Variants in RGS6 observed in about 807,000 individuals in gnomAD.
The protein encoded by RGS6 is regulator of G protein signaling 6, also known as regulator of G-protein signaling 6.
Under a neutral mutation model 78.5 loss-of-function variants are expected in RGS6, and 30 were observed. The ratio of observed to expected loss-of-function variants is 0.38; its 90% CI spans 0.29 to 0.52. The LOEUF is 0.52. Ranked by LOEUF, RGS6 falls within the 20% of genes least tolerant of loss-of-function variation. RGS6 has a pLI of 0.85. For synonymous variants in RGS6, 206 were observed against 206.0 expected (o/e 1.00, Z 0.00); for missense variants, 495 against 609.7 (o/e 0.81, Z 1.98).
At chr14:72,186,013 G>A (rs2097239759) in intron 2 of RGS6, among the ~76,000 whole-genome samples, 1 of 152,220 alleles carries the variant, frequency 6.6e-6, no homozygotes, top group Non-Finnish European at 1.5e-5. Context: ...AAATAATCCT[G>A]TGAGTATTAT....
rs186019891 is a variant in RGS6 at position 72,259,761 on chromosome 14, A to T, written c.85-92334A>T. Among the ~76,000 whole-genome samples the T allele has an allele frequency of 8.7e-3, 1,315 of 151,684 alleles. 18 individuals carry two copies. The highest frequency in any genetic ancestry group is 0.03 in the African/African-American group (1,243 of 41,256). ...TCTCTACTAAAAATACAAAAAAAAA[A>T]TTAGCCAGGCGCGGTGGCAGGCGCC... On this transcript the variant is annotated intron_variant, in intron 2 of 17. Coordinates refer to ENST00000553525, the MANE Select transcript of RGS6 (RefSeq NM_001204424.2).
chr14:72,586,040 C>T, the RGS6 span, among the ~76,000 whole-genome samples: 18,535 of 152,232 alleles, frequency 0.12, 3,340 homozygotes, highest in African/African-American at 0.39. Flanking sequence ...ATCTGAATTC[C>T]CCTCTAGATA....
At chr14:72,501,393 GA>G (rs2096724097) in intron 13 of RGS6, among the ~76,000 whole-genome samples, 4 of 131,336 alleles carry the variant, frequency 3.0e-5, no homozygotes, top group Admixed American at 2.1e-4. Flanking sequence ...GTTATATTCA[GA>G]GGGGAAAAAA....
At chr14:72,076,745 G>A (rs938511150) in intron 2 of RGS6, among the ~76,000 whole-genome samples, 1 of 151,818 alleles carries the variant, frequency 6.6e-6, no homozygotes, top group Non-Finnish European at 1.5e-5. Context: ...TGCCCAGGCT[G>A]GTTTCAGACT....
At chr14:72,614,697 G>A in the RGS6 span, among the ~76,000 whole-genome samples, 3 of 150,930 alleles carry the variant, frequency 2.0e-5, no homozygotes, top group African/African-American at 7.4e-5. Flanking sequence ...AGCTGAATCA[G>A]TGTTCAGAAC....
Position 72,272,977 on chromosome 14 carries a change from G to A in RGS6, c.85-79118G>A, listed in dbSNP as rs370521612. ...TAAAAATACAAAAAATTAGCAGGGC[G>A]TGGTGGCAGGTGCCTGTAATCCCAG... On this transcript the variant is annotated intron_variant, in intron 2 of 17. Coordinates refer to ENST00000553525, the MANE Select transcript of RGS6 (RefSeq NM_001204424.2). Among the ~76,000 whole-genome samples, 7 of 152,242 alleles carry A rather than the reference G, an allele frequency of 4.6e-5. No individual in the cohort carries two copies. The South Asian group carries it at 6.2e-4, about 14-fold the overall frequency.
the RGS6 span, among the ~76,000 whole-genome samples, chr14:71,903,252 A>T: frequency 6.6e-6 from 1 of 151,990 alleles, no homozygotes; most frequent in Non-Finnish European, 1.5e-5. Flanking sequence ...TAGTTACATG[A>T]CCTCTTTTCC....
At chr14:72,165,219 T>G (rs2096908115) in intron 2 of RGS6, among the ~76,000 whole-genome samples, 1 of 152,236 alleles carries the variant, frequency 6.6e-6, no homozygotes, top group Non-Finnish European at 1.5e-5. Context: ...AATGCGTATG[T>G]GCAGTGATTA....
chr14:71,887,766 T>C, the RGS6 span, among the ~76,000 whole-genome samples: 50 of 152,270 alleles, frequency 3.3e-4, no homozygotes, highest in African/African-American at 1.1e-3. Context: ...AGTGGTTCTG[T>C]TTTTGCCCTT....
At chr14:72,055,649 T>C (rs947442150) in intron 2 of RGS6, among the ~76,000 whole-genome samples, 3 of 148,106 alleles carry the variant, frequency 2.0e-5, no homozygotes, top group Non-Finnish European at 4.5e-5. Flanking sequence ...AACATAGGGA[T>C]TTTTTTTTTT....
chr14:72,294,376 G>A (rs188557771), intron 2 of RGS6, among the ~76,000 whole-genome samples: 6 of 152,308 alleles, frequency 3.9e-5, no homozygotes, highest in Admixed American at 3.3e-4. Flanking sequence ...CTGGGAAAGT[G>A]CCCCAGGTAA....
At chr14:72,621,532 A>G in the RGS6 span, among the ~76,000 whole-genome samples, 1 of 152,220 alleles carries the variant, frequency 6.6e-6, no homozygotes, top group Admixed American at 6.5e-5. Context: ...TTGTCATGCT[A>G]AAACCCGTCA....
At chr14:71,987,930 CAATGAG>C (rs1318281209) in intron 2 of RGS6, among the ~76,000 whole-genome samples, 4 of 151,812 alleles carry the variant, frequency 2.6e-5, no homozygotes, top group African/African-American at 9.7e-5. Flanking sequence ...TTTTTTCAAA[CAATGAG>C]AGAAAGTGCT....
At chr14:72,383,174 GTACATATATATATATATATATATATA>G (rs1490756358) in intron 3 of RGS6, among the ~76,000 whole-genome samples, 2 of 24,530 alleles carry the variant, frequency 8.2e-5, no homozygotes, top group South Asian at 3.8e-3. Flanking sequence ...TGAAAAAATT[GTACATATATATATATATATATATATA>G]TATATATATA....
At chr14:72,030,207 A>T (rs1162425380) in intron 2 of RGS6, among the ~76,000 whole-genome samples, 2 of 152,226 alleles carry the variant, frequency 1.3e-5, no homozygotes, top group Non-Finnish European at 2.9e-5. Context: ...CAATAGCAAC[A>T]AAGGAGGAGG....
chr14:72,116,060 G>C (rs2153559374), intron 2 of RGS6, among the ~76,000 whole-genome samples: 1 of 152,324 alleles, frequency 6.6e-6, no homozygotes, highest in South Asian at 2.1e-4. Flanking sequence ...CATTATTTGA[G>C]ACTAAGCAGT....
At position 72,562,944 on chromosome 14, in the gene RGS6, A is replaced by G. The variant is rs2097692607; in HGVS notation, c.*477A>G. ...GGCACCTCCCATAGTTACAGCCACT[A>G]CATCCCCACCGCCGCCTGTCATCCC... is the stretch of plus-strand genomic sequence containing the variant. On this transcript the variant is annotated 3_prime_UTR_variant, in exon 18 of 18. Transcript: ENST00000553525. The G allele has an allele frequency of 3.2e-6, 2 of 630,194 alleles. No individual in the cohort carries two copies. Among genetic ancestry groups the G allele is most frequent in the African/African-American group, 3.6e-5 (2 of 55,092 alleles). The allele number at this position is 630,194 out of a possible 1,614,324, so 39.0% of individuals were successfully genotyped here.
intron 7 of RGS6, among the ~76,000 whole-genome samples, chr14:72,468,828 C>T (rs1310054032): frequency 6.6e-6 from 1 of 152,122 alleles, no homozygotes; most frequent in East Asian, 1.9e-4. Flanking sequence ...GTGGAAGAGT[C>T]ACAAAGACAG....
chr14:72,362,091 G>A (rs1177986019), intron 3 of RGS6, among the ~76,000 whole-genome samples: 1 of 152,196 alleles, frequency 6.6e-6, no homozygotes, highest in East Asian at 1.9e-4. Context: ...TATGACTTGA[G>A]TAATAAATGC....
Sources: gnomAD v4.1 joint callset for allele counts (sites outside exome capture counted in the v4.1 genomes callset) on GRCh38, gnomAD v4.1.1 for gene constraint, MANE v1.5 for transcripts, NCBI Gene and HGNC (gene_info 2026-07-23, HGNC 2026-07-21) for gene names.